Variants in CKAP4 observed in about 807,000 individuals in gnomAD.
CKAP4 encodes the protein cytoskeleton associated protein 4, also known as cytoskeleton-associated protein 4.
In CKAP4, 20 loss-of-function variants were observed where a neutral mutation model predicts 24.4. That is an observed-to-expected ratio of 0.82 (90% CI 0.58 to 1.19). The LOEUF is 1.19. Ranked by LOEUF, CKAP4 falls within the 50% of genes most tolerant of loss-of-function variation. CKAP4 has a pLI of 0.00. For synonymous variants in CKAP4, 378 were observed against 351.7 expected (o/e 1.07, Z -0.84); for missense variants, 744 against 765.3 (o/e 0.97, Z 0.33).
intron 1 of CKAP4, among the ~76,000 whole-genome samples, chr12:106,241,280 G>C (rs191121171): frequency 1.3e-5 from 2 of 151,252 alleles, no homozygotes; most frequent in African/African-American, 4.9e-5. Context: ...TTATCAGTTG[G>C]AAATAAATCC....
At position 106,247,941 on chromosome 12, in the gene CKAP4, T is replaced by TGG. The variant is rs904319575; in HGVS notation, c.-92_-91dup. ...AAACTTGCAGGGGCTCCCCCGGGAC[T>TGG]GGGCGAGCGGCACGCGGGCGCTGCT... On this transcript the variant is annotated 5_prime_UTR_variant, in exon 1 of 2. Coordinates refer to ENST00000378026, the MANE Select transcript of CKAP4 (RefSeq NM_006825.4). This position sits in a 1 kb window ranked among gnomAD's most constrained non-coding sequence, Gnocchi z 4.5. The TGG allele has an allele frequency of 1.9e-5, 15 of 810,784 alleles. 1 individual carries two copies. Among genetic ancestry groups the TGG allele is most frequent in the African/African-American group, 5.7e-5 (3 of 52,894 alleles). The allele number at this position is 810,784 out of a possible 1,614,324, so 50.2% of individuals were successfully genotyped here. A position where few individuals can be genotyped will look rare whatever the true frequency, so the allele number is the denominator to read the frequency against.
At chr12:106,242,070 C>T (rs912895569) in intron 1 of CKAP4, among the ~76,000 whole-genome samples, 1 of 152,206 alleles carries the variant, frequency 6.6e-6, no homozygotes, top group African/African-American at 2.4e-5. Context: ...GCCAGACTGC[C>T]TAGGTTCAAA....
Position 106,247,669 on chromosome 12 carries a change from GTTCTGCGGGTGC to G in CKAP4, c.171_182del (p.Gln57_Asn61delinsHis), listed in dbSNP as rs2034027091. ...GGTGGCCGCCCTTGCCGTGCGCCTG[GTTCTGCGGGTGC>G]TGCTGCGGGTGCTGCTGCGGGTGCG... On this transcript the variant is annotated inframe_deletion, in exon 1 of 2. Coordinates refer to ENST00000378026, the MANE Select transcript of CKAP4 (RefSeq NM_006825.4). This position sits in a 1 kb window ranked among gnomAD's most constrained non-coding sequence, Gnocchi z 4.5. 16 of 1,106,812 alleles carry G rather than the reference GTTCTGCGGGTGC, an allele frequency of 1.4e-5. No homozygotes were observed. The highest frequency in any genetic ancestry group is 3.8e-5 in the Admixed American group (1 of 26,544). The allele number at this position is 1,106,812 out of a possible 1,614,324, so 68.6% of individuals were successfully genotyped here. A position where few individuals can be genotyped will look rare whatever the true frequency, so the allele number is the denominator to read the frequency against.
At position 106,237,998 on chromosome 12, in the gene CKAP4, T is replaced by TG. The variant is rs1218177958; in HGVS notation, c.*1025_*1026insC. 7.0e-6 allele frequency: 1 copy of TG among 143,080 alleles called. No individual in the cohort carries two copies. The highest frequency in any genetic ancestry group is 2.7e-5 in the African/African-American group (1 of 36,888). 8.9% of individuals were successfully genotyped at this position (143,080 alleles called of 1,614,324 possible). A position where few individuals can be genotyped will look rare whatever the true frequency, so the allele number is the denominator to read the frequency against. On this transcript the variant is annotated 3_prime_UTR_variant, in exon 2 of 2. Transcript: ENST00000378026. ...TTTTTTTTTTACTTTTCGGGTTTTTTTTTTTTTTTTTTTTTCAATTTTTTT... is the reference window on the plus strand; with the variant it reads ...TTTTTTTTTTACTTTTCGGGTTTTTTGTTTTTTTTTTTTTTTCAATTTTTTT...
chr12:106,247,759 G>A lies in CKAP4; in HGVS notation c.93C>T (p.Asp31=), dbSNP rs1457773521. The stretch of plus-strand genomic sequence containing the variant: ...GCGCCGGCGGCGGCTTCTTCGCCAC[G>A]TCATCCGCGCCGCCCGACGGGTGGG... ...KGAHPSGGAD[D]VAKKPPPAPQ... is the part of the protein sequence containing the mutation. Residue 31 remains aspartate (D), a synonymous_variant, in exon 1 of 2, where the codon GAC becomes GAT. Transcript: ENST00000378026. This position sits in a 1 kb window ranked among gnomAD's most constrained non-coding sequence, Gnocchi z 4.5. The A allele has an allele frequency of 3.8e-6, 4 of 1,052,526 alleles. No individual in the cohort carries two copies. Among genetic ancestry groups the A allele is most frequent in the Non-Finnish European group, 4.6e-6 (4 of 878,982 alleles). 65.2% of individuals were successfully genotyped at this position (1,052,526 alleles called of 1,614,324 possible).
chr12:106,247,668 G>A lies in CKAP4; in HGVS notation c.184C>T (p.Gln62Ter). The change falls in exon 1 of 2, where the codon CAG becomes TAG. Residue 62 changes from glutamine (Q) to a stop codon, truncating the protein, a stop_gained. Transcript: ENST00000378026. LOFTEE classifies it high-confidence loss of function. This position sits in a 1 kb window ranked among gnomAD's most constrained non-coding sequence, Gnocchi z 4.5. Reference sequence around the variant, plus strand: ...CGGTGGCCGCCCTTGCCGTGCGCCTGGTTCTGCGGGTGCTGCTGCGGGTGC... The same window carrying A: ...CGGTGGCCGCCCTTGCCGTGCGCCTAGTTCTGCGGGTGCTGCTGCGGGTGC... ...QQHPQQHPQN[Q>*]AHGKGGHRGG... 9.0e-7 allele frequency: 1 copy of A among 1,106,412 alleles called. No homozygotes were observed. Among genetic ancestry groups the A allele is most frequent in the African/African-American group, 1.7e-5 (1 of 58,832 alleles). The allele number at this position is 1,106,412 out of a possible 1,614,324, so 68.5% of individuals were successfully genotyped here.
rs769543642 is a variant in CKAP4 at position 106,239,025 on chromosome 12, T to C, written c.1808A>G (p.Ter603=). The C allele has an allele frequency of 1.9e-6, 3 of 1,612,918 alleles. No homozygotes were observed. The highest frequency in any genetic ancestry group is 1.7e-6 in the Non-Finnish European group (2 of 1,178,998). Residue 603 remains the stop codon, a stop_retained_variant, in exon 2 of 2, where the codon TAA becomes TGA. Transcript: ENST00000378026. The surrounding 1 kb of genome is among the most constrained non-coding windows in gnomAD (Gnocchi z 4.9). ...CCGCGCCCTGCACACGCAATTCATTTAGACCTTTTCGTGAATCTTCTCCAC... is the reference window on the plus strand; with the variant it reads ...CCGCGCCCTGCACACGCAATTCATTCAGACCTTTTCGTGAATCTTCTCCAC... ...VKVEKIHEKV[*]
Position 106,238,633 on chromosome 12 carries a change from C to T in CKAP4, c.*391G>A, listed in dbSNP as rs569924071. ...TAAAATTAATTTTCCTTAAAGACAA[C>T]TAGAAAGAAAAGGGTCCCCCCAACC... On this transcript the variant is annotated 3_prime_UTR_variant, in exon 2 of 2. Coordinates refer to ENST00000378026, the MANE Select transcript of CKAP4 (RefSeq NM_006825.4). 155 of 165,648 alleles carry T rather than the reference C, an allele frequency of 9.4e-4. No individual in the cohort carries two copies. The highest frequency in any genetic ancestry group is 1.8e-3 in the Non-Finnish European group (138 of 78,634). 10.3% of individuals were successfully genotyped at this position (165,648 alleles called of 1,614,324 possible).
At chr12:106,243,606 C>T (rs1476490004) in intron 1 of CKAP4, among the ~76,000 whole-genome samples, 5 of 152,232 alleles carry the variant, frequency 3.3e-5, no homozygotes, top group Admixed American at 3.3e-4. Context: ...TTCAGAGGGC[C>T]TAGAGATGAA....
Position 106,247,785 on chromosome 12 carries a change from C to T in CKAP4, c.67G>A (p.Ala23Thr). 9.5e-7 allele frequency: 1 copy of T among 1,057,072 alleles called. No homozygotes were observed. 65.5% of individuals were successfully genotyped at this position (1,057,072 alleles called of 1,614,324 possible). A position where few individuals can be genotyped will look rare whatever the true frequency, so the allele number is the denominator to read the frequency against. ...HGAASPSEKGAHPSGGADDVA... is the reference protein window; with the variant it reads ...HGAASPSEKGTHPSGGADDVA... ...TCATCCGCGCCGCCCGACGGGTGGG[C>T]ACCCTTCTCCGAGGGGCTCGCGGCG... Residue 23 changes from alanine to threonine, a missense_variant, in exon 1 of 2, where the codon GCC (alanine) becomes ACC (threonine). Ala to Thr is a moderately conservative substitution (Grantham distance 58, BLOSUM62 0). Coordinates refer to ENST00000378026, the MANE Select transcript of CKAP4 (RefSeq NM_006825.4). The surrounding 1 kb of genome is among the most constrained non-coding windows in gnomAD (Gnocchi z 4.5).
In CKAP4 at chr12:106,239,006, C is replaced by T. The variant is rs764309660; in HGVS notation, c.*18G>A. ...GAGAAATTGGACTTTAAATCCGCGC[C>T]CTGCACACGCAATTCATTTAGACCT... On this transcript the variant is annotated 3_prime_UTR_variant, in exon 2 of 2. Coordinates refer to ENST00000378026, the MANE Select transcript of CKAP4 (RefSeq NM_006825.4). This position sits in a 1 kb window ranked among gnomAD's most constrained non-coding sequence, Gnocchi z 4.9. The T allele has an allele frequency of 6.2e-7, 1 of 1,603,988 alleles. No homozygotes were observed. Among genetic ancestry groups the T allele is most frequent in the East Asian group, 2.2e-5 (1 of 44,632 alleles).
chr12:106,246,020 A>AT (rs1477893732), intron 1 of CKAP4, among the ~76,000 whole-genome samples: 2 of 151,258 alleles, frequency 1.3e-5, no homozygotes, highest in Non-Finnish European at 3.0e-5. Flanking sequence ...AAGTGGCGGG[A>AT]TTTTTTGTTT....
Position 106,247,240 on chromosome 12 carries a change from G to A in CKAP4, c.483+129C>T. On this transcript the variant is annotated intron_variant, in intron 1 of 1. Coordinates refer to ENST00000378026, the MANE Select transcript of CKAP4 (RefSeq NM_006825.4). The surrounding 1 kb of genome is among the most constrained non-coding windows in gnomAD (Gnocchi z 4.5). ...GTCTAGGCCAGGGCCCGCCAAGGAG[G>A]AGCGGCCGGCTCCCGCCTCCGGGCC... The A allele has an allele frequency of 5.2e-6, 4 of 762,108 alleles. No homozygotes were observed. In the South Asian group the frequency reaches 6.0e-5, roughly 11 times the overall value. 47.2% of individuals were successfully genotyped at this position (762,108 alleles called of 1,614,324 possible).
In CKAP4 at chr12:106,247,706, G is replaced by A; in HGVS notation, c.146C>T (p.Pro49Leu). 1.0e-6 allele frequency: 1 copy of A among 995,334 alleles called. No homozygotes were observed. Among genetic ancestry groups the A allele is most frequent in the Admixed American group, 7.3e-5 (1 of 13,712 alleles). The allele number at this position is 995,334 out of a possible 1,614,324, so 61.7% of individuals were successfully genotyped here. A position where few individuals can be genotyped will look rare whatever the true frequency, so the allele number is the denominator to read the frequency against. Residue 49 changes from proline (P) to leucine (L), a missense_variant, in exon 1 of 2, where the codon CCG (proline) becomes CTG (leucine). Physicochemically the swap from Pro to Leu is moderately conservative, Grantham distance 98. Around this residue, in one of 3 missense-constraint regions of CKAP4, gnomAD observed 300 missense variants for 264.5 expected, o/e 1.13. Transcript: ENST00000378026. The surrounding 1 kb of genome is among the most constrained non-coding windows in gnomAD (Gnocchi z 4.5). The stretch of plus-strand genomic sequence containing the variant: ...CTGCTGCGGGTGCTGCTGCGGGTGC[G>A]GCGCGGGCGGCGGCGGCGGCTGCTG... Reference protein sequence around the residue: ...APQQPPPPPAPHPQQHPQQHP... With the variant: ...APQQPPPPPALHPQQHPQQHP...
chr12:106,247,852 G>A lies in CKAP4; in HGVS notation c.-1C>T, dbSNP rs1466005525. On this transcript the variant is annotated 5_prime_UTR_variant, in exon 1 of 2. Coordinates refer to ENST00000378026, the MANE Select transcript of CKAP4 (RefSeq NM_006825.4). This position sits in a 1 kb window ranked among gnomAD's most constrained non-coding sequence, Gnocchi z 4.5. ...AGCCCCTTTGTTTGGCCGAGGGCATGGCGGGCGCGGCGGCGGCTCGGGCCG... is the reference window on the plus strand; with the variant it reads ...AGCCCCTTTGTTTGGCCGAGGGCATAGCGGGCGCGGCGGCGGCTCGGGCCG... 5.8e-5 allele frequency: 60 copies of A among 1,038,896 alleles called. No individual in the cohort carries two copies. Among genetic ancestry groups the A allele is most frequent in the Non-Finnish European group, 6.5e-5 (56 of 867,116 alleles). The allele number at this position is 1,038,896 out of a possible 1,614,324, so 64.4% of individuals were successfully genotyped here. A position where few individuals can be genotyped will look rare whatever the true frequency, so the allele number is the denominator to read the frequency against.
rs1361879463 is a variant in CKAP4, at chr12:106,238,041, C to T, written c.*983G>A. 1 of 124,174 alleles carries T rather than the reference C, an allele frequency of 8.1e-6. No individual in the cohort carries two copies. The highest frequency in any genetic ancestry group is 1.6e-5 in the Non-Finnish European group (1 of 63,518). The allele number at this position is 124,174 out of a possible 1,614,324, so 7.7% of individuals were successfully genotyped here. ...ATTTTTTTTGGAAGGGCAAGACAGC[C>T]ATTAAAGAACAATACAGCTCAGAGG... On this transcript the variant is annotated 3_prime_UTR_variant, in exon 2 of 2. Coordinates refer to ENST00000378026, the MANE Select transcript of CKAP4 (RefSeq NM_006825.4).
rs1363653870 is a variant in CKAP4, at chr12:106,247,774, C to A, written c.78G>T (p.Ser26=). The change falls in exon 1 of 2, where the codon TCG becomes TCT. Residue 26 remains serine, a synonymous_variant. Transcript: ENST00000378026. The surrounding 1 kb of genome is among the most constrained non-coding windows in gnomAD (Gnocchi z 4.5). ...TCTTCGCCACGTCATCCGCGCCGCC[C>A]GACGGGTGGGCACCCTTCTCCGAGG... ...ASPSEKGAHP[S]GGADDVAKKP... is the part of the protein sequence containing the mutation. The A allele has an allele frequency of 9.5e-7, 1 of 1,057,326 alleles. No homozygotes were observed. Among genetic ancestry groups the A allele is most frequent in the South Asian group, 4.3e-5 (1 of 23,340 alleles). 65.5% of individuals were successfully genotyped at this position (1,057,326 alleles called of 1,614,324 possible).
intron 1 of CKAP4, among the ~76,000 whole-genome samples, chr12:106,244,946 G>A (rs1311243386): frequency 1.3e-5 from 2 of 152,196 alleles, no homozygotes; most frequent in Non-Finnish European, 2.9e-5. Context: ...ACATAGCTGT[G>A]ATGGAGAAGG....
chr12:106,239,146 A>G lies in CKAP4; in HGVS notation c.1687T>C (p.Tyr563His). ...TCGTTGGTTTCTATTTTGACCGAGT[A>G]TGCAACCAAACTGTCCACAGCAGTC... ...LRTAVDSLVA[Y>H]SVKIETNENN... Residue 563 changes from tyrosine (Y) to histidine (H), a missense_variant, in exon 2 of 2, where the codon TAC (tyrosine) becomes CAC (histidine). Transcript: ENST00000378026. This position sits in a 1 kb window ranked among gnomAD's most constrained non-coding sequence, Gnocchi z 4.9. The G allele has an allele frequency of 6.2e-7, 1 of 1,614,116 alleles. No homozygotes were observed. The highest frequency in any genetic ancestry group is 1.1e-5 in the South Asian group (1 of 91,084).
Sources: gnomAD v4.1 joint callset for allele counts (sites outside exome capture counted in the v4.1 genomes callset) on GRCh38, gnomAD v4.1.1 for gene constraint, gnomAD v4.1.1 regional missense constraint, Gnocchi (gnomAD v3.1) non-coding constraint, MANE v1.5 for transcripts, NCBI Gene and HGNC (gene_info 2026-07-23, HGNC 2026-07-21) for gene names.